WBP2NL: variants seen among roughly 807,000 people sequenced by gnomAD.
WBP2NL encodes the protein postacrosomal sheath WW domain-binding protein.
Under a neutral mutation model 23.3 loss-of-function variants are expected in WBP2NL, and 27 were observed. That is an observed-to-expected ratio of 1.16 (90% CI 0.85 to 1.60). The LOEUF is 1.60. Among genes scored for constraint, WBP2NL ranks in the 40% most tolerant of loss-of-function variants. WBP2NL has a pLI of 0.00. For missense variants in WBP2NL, 370 were observed against 389.5 expected (o/e 0.95, Z 0.42); for synonymous variants, 151 against 145.9 (o/e 1.03, Z -0.25).
intron 1 of WBP2NL, among the ~76,000 whole-genome samples, chr22:42,006,705 A>C (rs1279953466): frequency 6.6e-6 from 1 of 152,238 alleles, no homozygotes; most frequent in East Asian, 1.9e-4. Context: ...GTTGGAACTT[A>C]TGTTGAGAAA....
intron 8 of WBP2NL, among the ~76,000 whole-genome samples, chr22:42,056,087 T>G (rs1342053657): frequency 6.6e-6 from 1 of 152,226 alleles, no homozygotes; most frequent in African/African-American, 2.4e-5. Context: ...ATGTCTTAAG[T>G]CTCTTTTGTT....
intron 4 of WBP2NL, among the ~76,000 whole-genome samples, chr22:42,020,942 C>G (rs1923917587): frequency 3.1e-5 from 1 of 31,962 alleles, no homozygotes; most frequent in African/African-American, 1.5e-4. Flanking sequence ...TTTTTTGAGA[C>G]AGTGTCTTGC....
chr22:42,043,401 A>G (rs186958341), intron 8 of WBP2NL, among the ~76,000 whole-genome samples: 2 of 152,118 alleles, frequency 1.3e-5, no homozygotes, highest in Non-Finnish European at 2.9e-5. Context: ...GTATATGCTC[A>G]GTTGTGGGAG....
At position 42,027,355 on chromosome 22, in the gene WBP2NL, T is replaced by A; in HGVS notation, c.*174T>A. On this transcript the variant is annotated 3_prime_UTR_variant, in exon 6 of 6. Coordinates refer to ENST00000328823, the MANE Select transcript of WBP2NL (RefSeq NM_152613.3). Reference sequence around the variant, plus strand: ...GTGAAACTTTACTTCTGTGCCTAGATTTTAGAAGCAGAATCAACTCTTAAA... The same window carrying A: ...GTGAAACTTTACTTCTGTGCCTAGAATTTAGAAGCAGAATCAACTCTTAAA... The A allele has an allele frequency of 1.3e-6, 1 of 770,994 alleles. No individual in the cohort carries two copies. Among genetic ancestry groups the A allele is most frequent in the Non-Finnish European group, 1.9e-6 (1 of 520,308 alleles). The allele number at this position is 770,994 out of a possible 1,614,324, so 47.8% of individuals were successfully genotyped here.
chr22:42,009,742 A>C (rs1406367473), intron 1 of WBP2NL, among the ~76,000 whole-genome samples: 1 of 152,196 alleles, frequency 6.6e-6, no homozygotes, highest in Non-Finnish European at 1.5e-5. Flanking sequence ...GAAATCAGGA[A>C]GTGTGAATCC....
intron 1 of WBP2NL, among the ~76,000 whole-genome samples, chr22:42,013,142 G>A (rs1454864324): frequency 6.6e-6 from 1 of 151,988 alleles, no homozygotes; most frequent in Admixed American, 6.6e-5. Context: ...GGAGCCCGAG[G>A]TGAGCAGATC....
chr22:42,007,082 T>G (rs1200341564), intron 1 of WBP2NL, among the ~76,000 whole-genome samples: 1 of 152,266 alleles, frequency 6.6e-6, no homozygotes, highest in Non-Finnish European at 1.5e-5. Context: ...CCAACTGCTT[T>G]ATAACTTATT....
intron 8 of WBP2NL, among the ~76,000 whole-genome samples, chr22:42,041,441 C>G (rs1479791798): frequency 4.0e-5 from 6 of 148,424 alleles, no homozygotes; most frequent in Non-Finnish European, 7.4e-5. Flanking sequence ...GAGATCATGC[C>G]ACTGCACTCT....
chr22:42,046,813 T>C (rs1422573446), intron 8 of WBP2NL, among the ~76,000 whole-genome samples: 1 of 152,244 alleles, frequency 6.6e-6, no homozygotes, highest in African/African-American at 2.4e-5. Context: ...GAGCATGTTC[T>C]GCACTGGTGC....
downstream of WBP2NL, among the ~76,000 whole-genome samples, chr22:42,037,128 T>TTGTGTGTGTGTGTGTG (rs3045493): frequency 6.8e-6 from 1 of 148,090 alleles, no homozygotes; most frequent in Non-Finnish European, 1.5e-5. Flanking sequence ...CAGATTTCAT[T>TTGTGTGTGTGTGTGTG]TGTGTGTGTG....
chr22:42,021,817 T>G (rs1365038275), intron 4 of WBP2NL, among the ~76,000 whole-genome samples: 1 of 141,962 alleles, frequency 7.0e-6, no homozygotes, highest in Non-Finnish European at 1.5e-5. Flanking sequence ...TGAGACAAGG[T>G]CTTACTCTGT....
chr22:42,019,508 GT>G, intron 2 of WBP2NL, 89 bp downstream of exon 2: 1 of 1,545,266 alleles, frequency 6.5e-7, no homozygotes, highest in East Asian at 2.3e-5. Flanking sequence ...CTTTTGAAGT[GT>G]TTTTAAACGT....
At chr22:42,015,149 G>T (rs1923188501) in intron 1 of WBP2NL, among the ~76,000 whole-genome samples, 1 of 152,136 alleles carries the variant, frequency 6.6e-6, no homozygotes, top group African/African-American at 2.4e-5. Context: ...CTTGTTATTT[G>T]TTTGTACAGT....
intron 8 of WBP2NL, among the ~76,000 whole-genome samples, chr22:42,051,804 C>T (rs1925846178): frequency 6.6e-6 from 1 of 152,214 alleles, no homozygotes; most frequent in Non-Finnish European, 1.5e-5. Context: ...TGAGTAACTA[C>T]TTATTCAGGT....
At chr22:42,033,985 C>T (rs1925086388), downstream of WBP2NL, among the ~76,000 whole-genome samples, 1 of 152,220 alleles carries the variant, frequency 6.6e-6, no homozygotes, top group African/African-American at 2.4e-5. Flanking sequence ...GGACCCATCC[C>T]CTTCTACCCA....
At chr22:42,001,133 A>C in intron 1 of WBP2NL, 1 of 1,016,686 alleles carries the variant, frequency 9.8e-7, no homozygotes, top group African/African-American at 1.6e-5. Context: ...GCCTCTGAGA[A>C]CACTGGACCA....
At chr22:42,053,888 A>G (rs1236425352) in intron 8 of WBP2NL, among the ~76,000 whole-genome samples, 2 of 152,166 alleles carry the variant, frequency 1.3e-5, no homozygotes, top group African/African-American at 4.8e-5. Context: ...TCTGGATACT[A>G]GACCCTAGTT....
chr22:42,055,314 A>G (rs1021752124), intron 8 of WBP2NL, among the ~76,000 whole-genome samples: 6 of 152,178 alleles, frequency 3.9e-5, no homozygotes, highest in Non-Finnish European at 8.8e-5. Context: ...AGCTGGGATT[A>G]CAGGCGCCTG....
At position 42,027,169 on chromosome 22, in the gene WBP2NL, G is replaced by A. The variant is rs777978549; in HGVS notation, c.918G>A (p.Gln306=). The A allele has an allele frequency of 1.9e-6, 3 of 1,611,086 alleles. No individual in the cohort carries two copies. Among genetic ancestry groups the A allele is most frequent in the Admixed American group, 3.4e-5 (2 of 59,076 alleles). Residue 306 remains glutamine (Q), a synonymous_variant, in exon 6 of 6, where the codon CAG becomes CAA. Coordinates refer to ENST00000328823, the MANE Select transcript of WBP2NL (RefSeq NM_152613.3). ...EASLPSASSS[Q]VHS is the part of the protein sequence containing the mutation. ...CTCTTCCCTCTGCCTCCTCTTCTCA[G>A]GTCCATTCTTAACCTTCTAAGATGT...
Sources: gnomAD v4.1 joint callset for allele counts (sites outside exome capture counted in the v4.1 genomes callset) on GRCh38, gnomAD v4.1.1 for gene constraint, MANE v1.5 for transcripts, NCBI Gene and HGNC (gene_info 2026-07-23, HGNC 2026-07-21) for gene names.